GPC5: variants seen among roughly 807,000 people sequenced by gnomAD.
GPC5 encodes the protein glypican 5.
Under a neutral mutation model 53.9 loss-of-function variants are expected in GPC5, and 47 were observed. That is an observed-to-expected ratio of 0.87 (90% confidence interval 0.69 to 1.11). The LOEUF (loss-of-function observed/expected upper bound fraction) is 1.11. Ranked by LOEUF, GPC5 falls within the 50% of genes most tolerant of loss-of-function variation. The pLI is 0.00. For missense variants in GPC5, 748 were observed against 713.1 expected (o/e 1.05, Z -0.56); for synonymous variants, 286 against 263.3 (o/e 1.09, Z -0.84).
intron 7 of GPC5, among the ~76,000 whole-genome samples, chr13:92,397,505 G>C (rs964354914): frequency 5.3e-5 from 8 of 152,164 alleles, no homozygotes; most frequent in Non-Finnish European, 8.8e-5. Context: ...GTTTTTATTA[G>C]CAGCGTGAAA....
chr13:92,839,723 A>T (rs1490274012), intron 7 of GPC5, among the ~76,000 whole-genome samples: 1 of 152,060 alleles, frequency 6.6e-6, no homozygotes, highest in Admixed American at 6.5e-5. Flanking sequence ...TTGGAAAAAA[A>T]AATAATAAAA....
intron 5 of GPC5, among the ~76,000 whole-genome samples, chr13:91,879,220 G>C (rs1464736229): frequency 6.6e-6 from 1 of 152,114 alleles, no homozygotes; most frequent in Non-Finnish European, 1.5e-5. Context: ...CAGTACCATG[G>C]TGGTTTCTTA....
rs557368481 is a variant in GPC5, at chr13:92,809,290, T to G, written c.1562-56992T>G. On this transcript the variant is annotated intron_variant, in intron 7 of 7. Transcript: ENST00000377067. ...TGATGTACTTTTCCATCATTCAATA[T>G]AGATACTTAAAAGGCAATGAGCCCC... Among the ~76,000 whole-genome samples the G allele has an allele frequency of 2.0e-5, 3 of 152,300 alleles. No homozygotes were observed. In the South Asian group the frequency reaches 6.2e-4, roughly 32 times the overall value.
chr13:91,780,836 G>T (rs2037786317), intron 5 of GPC5, among the ~76,000 whole-genome samples: 1 of 152,042 alleles, frequency 6.6e-6, no homozygotes, highest in Non-Finnish European at 1.5e-5. Context: ...AATGAGTGTT[G>T]GAAAAACATA....
At chr13:92,863,756 G>A (rs1014525915) in intron 7 of GPC5, among the ~76,000 whole-genome samples, 13 of 152,092 alleles carry the variant, frequency 8.5e-5, no homozygotes, top group African/African-American at 3.1e-4. Context: ...GCCTCCCAAA[G>A]TGCTGAGATT....
At position 91,529,371 on chromosome 13, in the gene GPC5, AT is replaced by A. The variant is rs564216528; in HGVS notation, c.325+80450del. On this transcript the variant is annotated intron_variant, in intron 2 of 7. Transcript: ENST00000377067. ...TTATTAAATTTATCTTAAAGAGAAA[AT>A]AAGGAAGAGAAAGTAAAATCATTAA... Among the ~76,000 whole-genome samples the A allele has an allele frequency of 5.7e-3, 862 of 152,334 alleles. 7 individuals are homozygous for A. Among genetic ancestry groups the A allele is most frequent in the African/African-American group, 0.02 (831 of 41,580 alleles).
At chr13:91,906,092 A>T (rs1282619966) in intron 5 of GPC5, among the ~76,000 whole-genome samples, 1 of 151,902 alleles carries the variant, frequency 6.6e-6, no homozygotes, top group African/African-American at 2.4e-5. Context: ...CTCAATGGAG[A>T]GTCTTAAACA....
chr13:92,357,127 T>G (rs1051219335), intron 7 of GPC5, among the ~76,000 whole-genome samples: 1 of 151,812 alleles, frequency 6.6e-6, no homozygotes. Context: ...TTGATGGGCA[T>G]TTGGATTGAT....
chr13:91,678,205 G>C (rs141371736), intron 2 of GPC5, among the ~76,000 whole-genome samples: 1 of 152,282 alleles, frequency 6.6e-6, no homozygotes, highest in African/African-American at 2.4e-5. Flanking sequence ...GTAACTGTAG[G>C]AATCGCTCAA....
intron 7 of GPC5, among the ~76,000 whole-genome samples, chr13:92,204,919 C>T (rs1032088793): frequency 3.9e-5 from 6 of 152,136 alleles, no homozygotes; most frequent in South Asian, 2.1e-4. Flanking sequence ...CGCTCTTTCT[C>T]CCAGGCTGGA....
chr13:91,806,819 G>A (rs2038229515), intron 5 of GPC5, among the ~76,000 whole-genome samples: 1 of 152,082 alleles, frequency 6.6e-6, no homozygotes, highest in African/African-American at 2.4e-5. Flanking sequence ...ACAATATTTA[G>A]CGAGAAATGG....
intron 6 of GPC5, among the ~76,000 whole-genome samples, chr13:91,966,821 G>A (rs964074516): frequency 3.9e-4 from 59 of 152,136 alleles, no homozygotes; most frequent in African/African-American, 4.8e-5. Context: ...AATAAAGAAT[G>A]CACCTGTGCA....
intron 7 of GPC5, among the ~76,000 whole-genome samples, chr13:92,337,366 T>G (rs540770526): frequency 6.6e-6 from 1 of 152,250 alleles, no homozygotes; most frequent in South Asian, 2.1e-4. Context: ...ATGTTAGTTC[T>G]TCACAACTGG....
intron 7 of GPC5, among the ~76,000 whole-genome samples, chr13:92,274,032 C>G (rs981914050): frequency 6.6e-6 from 1 of 152,046 alleles, no homozygotes; most frequent in Non-Finnish European, 1.5e-5. Flanking sequence ...TAGATACCAA[C>G]CTGTAGAAAA....
At chr13:91,820,269 T>C (rs1310810156) in intron 5 of GPC5, among the ~76,000 whole-genome samples, 2 of 152,210 alleles carry the variant, frequency 1.3e-5, no homozygotes, top group African/African-American at 2.4e-5. Flanking sequence ...ACTTTATTAT[T>C]TGTGTTTTTT....
rs1348152955 is a variant in GPC5, at chr13:92,385,959, C to T, written c.1561+240970C>T. 2.6e-5 allele frequency among the ~76,000 whole-genome samples: 4 copies of T among 151,494 alleles called. No individual in the cohort carries two copies. The South Asian group carries it at 8.3e-4, about 31-fold the overall frequency. On this transcript the variant is annotated intron_variant, in intron 7 of 7. Coordinates refer to ENST00000377067, the MANE Select transcript of GPC5 (RefSeq NM_004466.6). Reference sequence around the variant, plus strand: ...GTCTTATAATGAAGAGCTTATACCCCATAAAACAATCCTATTTCTAGTGAG... The same window carrying T: ...GTCTTATAATGAAGAGCTTATACCCTATAAAACAATCCTATTTCTAGTGAG...
intron 3 of GPC5, among the ~76,000 whole-genome samples, chr13:91,702,323 T>C (rs2036010283): frequency 6.6e-6 from 1 of 152,146 alleles, no homozygotes; most frequent in Non-Finnish European, 1.5e-5. Flanking sequence ...ATTTTTGCTC[T>C]TGTGGCCTGT....
chr13:92,576,807 A>G (rs2139047680), intron 7 of GPC5, among the ~76,000 whole-genome samples: 1 of 152,282 alleles, frequency 6.6e-6, no homozygotes, highest in East Asian at 1.9e-4. Flanking sequence ...CTTTATCTGT[A>G]CTTATCTATG....
At chr13:92,766,098 G>A (rs1335634618) in intron 7 of GPC5, among the ~76,000 whole-genome samples, 2 of 152,062 alleles carry the variant, frequency 1.3e-5, no homozygotes, top group South Asian at 2.1e-4. Context: ...GCTACATTTG[G>A]CCCGTTGGTC....
Sources: gnomAD v4.1 joint callset for allele counts (sites outside exome capture counted in the v4.1 genomes callset) on GRCh38, gnomAD v4.1.1 for gene constraint, MANE v1.5 for transcripts, NCBI Gene and HGNC (gene_info 2026-07-23, HGNC 2026-07-21) for gene names.